DNER: variants seen among roughly 807,000 people sequenced by gnomAD.
DNER encodes delta/notch like EGF repeat containing.
Under a neutral mutation model 78.2 loss-of-function variants are expected in DNER, and 33 were observed. That is an observed-to-expected ratio of 0.42 (90% confidence interval 0.32 to 0.56). DNER has a LOEUF of 0.56. Ranked by LOEUF, DNER falls within the 20% of genes least tolerant of loss-of-function variation. The pLI, the probability that DNER is intolerant of heterozygous loss-of-function variation, is 0.11. For missense variants in DNER, 918 were observed against 975.3 expected (o/e 0.94, Z 0.78); for synonymous variants, 417 against 384.8 (o/e 1.08, Z -0.98).
intron 1 of DNER, among the ~76,000 whole-genome samples, chr2:229,683,809 CA>C (rs1407818647): frequency 6.6e-6 from 1 of 152,022 alleles, no homozygotes; most frequent in Non-Finnish European, 1.5e-5. Flanking sequence ...AGATTTTCCC[CA>C]GGAGCCAAAG....
intron 4 of DNER, among the ~76,000 whole-genome samples, chr2:229,580,657 T>C (rs2154214290): frequency 6.6e-6 from 1 of 152,172 alleles, no homozygotes; most frequent in Non-Finnish European, 1.5e-5. Context: ...AGGGATAAAA[T>C]TTCAGATGGA....
At chr2:229,446,390 G>A (rs1694342292) in intron 8 of DNER, among the ~76,000 whole-genome samples, 1 of 152,182 alleles carries the variant, frequency 6.6e-6, no homozygotes, top group South Asian at 2.1e-4. Flanking sequence ...CCCAGAGGAA[G>A]GGAAACTGAG....
intron 1 of DNER, among the ~76,000 whole-genome samples, chr2:229,679,521 G>T (rs1699352396): frequency 6.6e-6 from 1 of 151,880 alleles, no homozygotes; most frequent in African/African-American, 2.4e-5. Context: ...AATGATTATA[G>T]TCATTTGCCA....
rs527260242 is a variant in DNER at position 229,541,779 on chromosome 2, C to G, written c.993+5168G>C. ...GAGTCTCCAGTCTATAGGCCTCCCC[C>G]ATTAGATATTGCACTTGCCAAGACT... On this transcript the variant is annotated intron_variant, in intron 5 of 12. Coordinates refer to ENST00000341772, the MANE Select transcript of DNER (RefSeq NM_139072.4). 6.6e-5 allele frequency among the ~76,000 whole-genome samples: 10 copies of G among 151,532 alleles called. No homozygotes were observed. The South Asian group carries it at 1.7e-3, about 25-fold the overall frequency.
chr2:229,583,204 C>T (rs929691885), intron 4 of DNER, among the ~76,000 whole-genome samples: 2 of 152,168 alleles, frequency 1.3e-5, no homozygotes, highest in East Asian at 1.9e-4. Context: ...TACAGATGCT[C>T]CTCAACTTGC....
chr2:229,604,001 G>C, intron 1 of DNER, among the ~76,000 whole-genome samples: 1 of 152,138 alleles, frequency 6.6e-6, no homozygotes, highest in Middle Eastern at 3.4e-3. Context: ...CCAGCACCGC[G>C]GCCACATGAA....
chr2:229,530,004 T>TA (rs111787015), intron 5 of DNER, among the ~76,000 whole-genome samples: 3,883 of 146,704 alleles, frequency 0.026, 169 homozygotes, highest in African/African-American at 0.092. Flanking sequence ...CTCAAGTCTT[T>TA]AAAAAAAAAA....
chr2:229,624,131 A>G (rs1698298447), intron 1 of DNER, among the ~76,000 whole-genome samples: 1 of 152,240 alleles, frequency 6.6e-6, no homozygotes, highest in Non-Finnish European at 1.5e-5. Flanking sequence ...TGCAGACACA[A>G]CAGAAAGCTG....
chr2:229,674,242 A>T (rs1699262507), intron 1 of DNER, among the ~76,000 whole-genome samples: 1 of 152,102 alleles, frequency 6.6e-6, no homozygotes, highest in Non-Finnish European at 1.5e-5. Context: ...TGAAAGTGTC[A>T]CCCATTTCTG....
intron 7 of DNER, among the ~76,000 whole-genome samples, chr2:229,452,405 G>T (rs1354357332): frequency 6.6e-6 from 1 of 152,068 alleles, no homozygotes; most frequent in Non-Finnish European, 1.5e-5. Context: ...GCAGGACTCC[G>T]GTAGATAATG....
chr2:229,493,323 G>A (rs77028133), intron 6 of DNER, among the ~76,000 whole-genome samples: 18,993 of 152,122 alleles, frequency 0.12, 1,327 homozygotes, highest in South Asian at 0.2. Context: ...TTGTATCACC[G>A]CTATTCTTTT....
intron 10 of DNER, among the ~76,000 whole-genome samples, chr2:229,396,737 G>A (rs1693152412): frequency 6.6e-6 from 1 of 152,226 alleles, no homozygotes; most frequent in African/African-American, 2.4e-5. Context: ...GTACAAGAGA[G>A]TGATGGTTGG....
At chr2:229,681,983 C>T (rs1057365652) in intron 1 of DNER, among the ~76,000 whole-genome samples, 14 of 152,022 alleles carry the variant, frequency 9.2e-5, no homozygotes, top group Non-Finnish European at 1.5e-4. Context: ...ATCCTCTGCA[C>T]GTATTTCAGA....
At chr2:229,537,862 T>A (rs905494993) in intron 5 of DNER, among the ~76,000 whole-genome samples, 3 of 152,188 alleles carry the variant, frequency 2.0e-5, no homozygotes, top group African/African-American at 7.2e-5. Context: ...ACCCACTAAC[T>A]CGTCATCTAG....
chr2:229,449,595 T>C (rs116215807), intron 7 of DNER, among the ~76,000 whole-genome samples: 3,994 of 151,972 alleles, frequency 0.026, 78 homozygotes, highest in Middle Eastern at 0.054. Context: ...GGGTGGGCGG[T>C]GGCCAGTGGG....
At chr2:229,477,933 A>C (rs1041664938) in intron 6 of DNER, among the ~76,000 whole-genome samples, 11 of 152,372 alleles carry the variant, frequency 7.2e-5, no homozygotes, top group African/African-American at 2.4e-4. Context: ...GGAAATAAGG[A>C]TGTAAATCGA....
chr2:229,554,396 A>G (rs1172828944), intron 4 of DNER, among the ~76,000 whole-genome samples: 1 of 152,174 alleles, frequency 6.6e-6, no homozygotes, highest in Non-Finnish European at 1.5e-5. Context: ...CGTCCCTACA[A>G]AAAATTTTAC....
chr2:229,584,910 AAG>A (rs1559173908), intron 4 of DNER, among the ~76,000 whole-genome samples: 1 of 151,038 alleles, frequency 6.6e-6, no homozygotes, highest in Non-Finnish European at 1.5e-5. Flanking sequence ...AAAAAAAAAA[AAG>A]AAGAAGAAAA....
intron 1 of DNER, among the ~76,000 whole-genome samples, chr2:229,670,646 G>A (rs1699191216): frequency 6.6e-6 from 1 of 152,214 alleles, no homozygotes; most frequent in Non-Finnish European, 1.5e-5. Context: ...AATGCATGAA[G>A]AGAAAAGTGC....
Sources: gnomAD v4.1 joint callset for allele counts (sites outside exome capture counted in the v4.1 genomes callset) on GRCh38, gnomAD v4.1.1 for gene constraint, MANE v1.5 for transcripts, NCBI Gene and HGNC (gene_info 2026-07-23, HGNC 2026-07-21) for gene names.